SLC4A2: variants seen among roughly 807,000 people sequenced by gnomAD.
SLC4A2 encodes anion exchange protein 2.
In SLC4A2, 36 loss-of-function variants were observed where a neutral mutation model predicts 115.0. That is an observed-to-expected ratio of 0.31 (90% CI 0.24 to 0.41). The LOEUF (loss-of-function observed/expected upper bound fraction) is 0.41, where lower values mean the gene tolerates loss of function less well. Among genes scored for constraint, SLC4A2 ranks in the 10% least tolerant of loss-of-function variants. The pLI is 1.00. For synonymous variants in SLC4A2, 708 were observed against 708.3 expected, an observed-to-expected ratio of 1.00 and a Z score of 0.01; for missense variants, 1,252 against 1,705.6, an observed-to-expected ratio of 0.73 and a Z score of 4.68.
In SLC4A2 at chr7:151,062,011, C is replaced by T. The variant is rs140387520; in HGVS notation, c.24C>T (p.Pro8=). The change falls in exon 2 of 23, where the codon CCC becomes CCT. Residue 8 remains proline (P), a synonymous_variant. Coordinates refer to ENST00000413384, the MANE Select transcript of SLC4A2 (RefSeq NM_003040.4). MSSAPRR[P]AKGADSFCTP... is the part of the protein sequence containing the mutation. The stretch of plus-strand genomic sequence containing the variant: ...CCATGAGCAGCGCCCCTCGGCGCCC[C>T]GCCAAGGGCGCAGATTCTTTCTGTA... The T allele has an allele frequency of 1.5e-4, 237 of 1,610,724 alleles. No individual in the cohort carries two copies. In the African/African-American group the frequency reaches 2.5e-3, roughly 17 times the overall value.
At chr7:151,062,061 C>T (rs779001411) in intron 2 of SLC4A2, 23 bp downstream of exon 2, 1 of 1,604,644 alleles carries the variant, frequency 6.2e-7, no homozygotes, top group South Asian at 1.1e-5. Context: ...CCCAGGTCGC[C>T]AGCCCAACCT....
At position 151,075,432 on chromosome 7, in the gene SLC4A2, G is replaced by A; in HGVS notation, c.3225G>A (p.Val1075=). 1 of 1,606,026 alleles carries A rather than the reference G, an allele frequency of 6.2e-7. No individual in the cohort carries two copies. Among genetic ancestry groups the A allele is most frequent in the Non-Finnish European group, 8.5e-7 (1 of 1,180,002 alleles). ...CGCTCACTGTCATGAGCAAGGCTGT[G>A]GCACCTGGGGACAAGCCCAAGATTC... ...ANALTVMSKA[V]APGDKPKIQE... is the part of the protein sequence containing the mutation. Residue 1075 remains valine, a synonymous_variant, in exon 20 of 23, where the codon GTG becomes GTA. Coordinates refer to ENST00000413384, the MANE Select transcript of SLC4A2 (RefSeq NM_003040.4).
At position 151,071,774 on chromosome 7, in the gene SLC4A2, C is replaced by G; in HGVS notation, c.2277C>G (p.Ala759=). 1 of 1,612,442 alleles carries G rather than the reference C, an allele frequency of 6.2e-7. No homozygotes were observed. Among genetic ancestry groups the G allele is most frequent in the Non-Finnish European group, 8.5e-7 (1 of 1,179,650 alleles). ...LQGVVFCLLG[A]QPLLVIGFSG... ...GCGTGGTCTTCTGCCTGCTGGGTGC[C>G]CAGCCCCTGTTGGTGATCGGCTTCT... The change falls in exon 15 of 23, where the codon GCC becomes GCG. Residue 759 remains alanine, a synonymous_variant. Coordinates refer to ENST00000413384, the MANE Select transcript of SLC4A2 (RefSeq NM_003040.4). This position sits in a 1 kb window ranked among gnomAD's most constrained non-coding sequence, Gnocchi z 5.5.
chr7:151,070,570 G>A lies in SLC4A2; in HGVS notation c.1563G>A (p.Val521=), dbSNP rs753293325. 3 of 1,612,504 alleles carry A rather than the reference G, an allele frequency of 1.9e-6. No homozygotes were observed. The highest frequency in any genetic ancestry group is 1.7e-6 in the Non-Finnish European group (2 of 1,179,266). ...ATGCCGAGGCCACGGTGGTCCTTGT[G>A]GGTATGTGGGGCAGGTCACATGTAG... is the stretch of plus-strand genomic sequence containing the variant. ...PENAEATVVL[V]GCVEFLSRPT... Residue 521 remains valine (V), a splice_region_variant and synonymous_variant, in exon 11 of 23, where the codon GTG becomes GTA. Coordinates refer to ENST00000413384, the MANE Select transcript of SLC4A2 (RefSeq NM_003040.4).
chr7:151,070,384 G>T (rs1797390904), intron 10 of SLC4A2, 38 bp downstream of exon 10: 1 of 1,610,494 alleles, frequency 6.2e-7, no homozygotes, highest in Non-Finnish European at 8.5e-7. Flanking sequence ...CTGGCGGCAG[G>T]GCTGAGGAAG....
chr7:151,058,767 C>G (rs890122834), upstream of SLC4A2: 4 of 152,310 alleles, frequency 2.6e-5, no homozygotes, highest in African/African-American at 4.8e-5. Context: ...CTTGCAGCAG[C>G]CTCTGCCTCA....
Position 151,061,984 on chromosome 7 carries a change from G to A in SLC4A2, c.-4G>A, listed in dbSNP as rs749292586. 5 of 1,610,062 alleles carry A rather than the reference G, an allele frequency of 3.1e-6. No homozygotes were observed. In the Admixed American group the frequency reaches 8.3e-5, roughly 27 times the overall value. ...GCGACAGCGAAAAGGGCTAAGATTCGGCCATGAGCAGCGCCCCTCGGCGCC... is the reference window on the plus strand; with the variant it reads ...GCGACAGCGAAAAGGGCTAAGATTCAGCCATGAGCAGCGCCCCTCGGCGCC... On this transcript the variant is annotated 5_prime_UTR_variant, in exon 2 of 23. Transcript: ENST00000413384.
Position 151,071,750 on chromosome 7 carries a change from C to T in SLC4A2, c.2253C>T (p.Gly751=), listed in dbSNP as rs776758339. ...SELIMSTALQ[G]VVFCLLGAQP... ...TGATTATGTCCACAGCGCTCCAGGGCGTGGTCTTCTGCCTGCTGGGTGCCC... is the reference window on the plus strand; with the variant it reads ...TGATTATGTCCACAGCGCTCCAGGGTGTGGTCTTCTGCCTGCTGGGTGCCC... The change falls in exon 15 of 23, where the codon GGC becomes GGT. Residue 751 remains glycine, a synonymous_variant. Coordinates refer to ENST00000413384, the MANE Select transcript of SLC4A2 (RefSeq NM_003040.4). The surrounding 1 kb of genome is among the most constrained non-coding windows in gnomAD (Gnocchi z 5.5). 5.6e-6 allele frequency: 9 copies of T among 1,612,700 alleles called. No homozygotes were observed. Among genetic ancestry groups the T allele is most frequent in the South Asian group, 3.3e-5 (3 of 90,986 alleles).
chr7:151,074,275 C>A lies in SLC4A2; in HGVS notation c.2772C>A (p.Ser924Arg). 1 of 1,610,076 alleles carries A rather than the reference C, an allele frequency of 6.2e-7. No homozygotes were observed. The highest frequency in any genetic ancestry group is 8.5e-7 in the Non-Finnish European group (1 of 1,179,112). Residue 924 changes from serine to arginine, a missense_variant, in exon 17 of 23, where the codon AGC becomes AGA. Ser to Arg is a moderately radical substitution (Grantham distance 110). This residue lies in a region of SLC4A2 where 253 missense variants were observed against 407.4 expected (regional missense o/e 0.62). Transcript: ENST00000413384. ...TCTTCCTGCGCAAATTCAAGAACAG[C>A]CGGTTCTTTCCTGGCCGGGTGCGTG... ...IAFFLRKFKN[S>R]RFFPGRIRRV...
At chr7:151,061,551 T>A (rs1797046131) in intron 1 of SLC4A2, 1 of 178,624 alleles carries the variant, frequency 5.6e-6, no homozygotes, top group Non-Finnish European at 1.2e-5. Context: ...GAGGCTCCGT[T>A]GTCTGCCTGG....
At chr7:151,062,641 T>C (rs1349777746) in intron 2 of SLC4A2, 24 of 1,524,004 alleles carry the variant, frequency 1.6e-5, no homozygotes, top group Middle Eastern at 3.3e-4. Context: ...CTGCCGGCCA[T>C]GGACTTCCTC....
Position 151,070,009 on chromosome 7 carries a change from C to G in SLC4A2, c.1210C>G (p.Gln404Glu). The G allele has an allele frequency of 6.2e-7, 1 of 1,614,134 alleles. No homozygotes were observed. Among genetic ancestry groups the G allele is most frequent in the Admixed American group, 1.7e-5 (1 of 60,026 alleles). Residue 404 changes from glutamine (Q) to glutamate (E), a missense_variant, in exon 9 of 23, where the codon CAG (glutamine) becomes GAG (glutamate). By Grantham distance (29) the Gln-to-Glu change is conservative. Transcript: ENST00000413384. ...LPGVAHQVVEQMVISDQIKAE... is the reference protein window; with the variant it reads ...LPGVAHQVVEEMVISDQIKAE... ...CGGAGTGGCCCACCAGGTGGTGGAG[C>G]AGATGGTCATCTCTGACCAGATCAA... is the stretch of plus-strand genomic sequence containing the variant.
rs531107465 is a variant in SLC4A2 at position 151,075,608 on chromosome 7, C to T, written c.3304C>T (p.Leu1102Phe). The T allele has an allele frequency of 6.3e-6, 10 of 1,590,872 alleles. No homozygotes were observed. In the South Asian group the frequency reaches 8.8e-5, roughly 14 times the overall value. Residue 1102 changes from leucine (L) to phenylalanine (F), a missense_variant and splice_region_variant, in exon 21 of 23, where the codon CTC becomes TTC. Leu to Phe is a conservative substitution (Grantham distance 22, BLOSUM62 0). This residue lies in a region of SLC4A2 where 253 missense variants were observed against 407.4 expected (regional missense o/e 0.62). Coordinates refer to ENST00000413384, the MANE Select transcript of SLC4A2 (RefSeq NM_003040.4). The part of the protein sequence containing the change: ...TGLLVALLVG[L>F]SIVIGDLLRQ... ...TCTTTCTCCTGCGCCTCCCGTAGGC[C>T]TCTCCATAGTTATCGGGGATCTGCT...
In SLC4A2 at chr7:151,071,351, AGAGGGGCTGG is replaced by A; in HGVS notation, c.1976-37_1976-28del. 1 of 1,553,068 alleles carries A rather than the reference AGAGGGGCTGG, an allele frequency of 6.4e-7. No homozygotes were observed. The highest frequency in any genetic ancestry group is 1.2e-5 in the South Asian group (1 of 85,482). ...CTGCCTCGAGGGGGTGAGGTGGGCA[AGAGGGGCTGG>A]GGCGCCCTGACGGAGGCCTGGGTTG... is the stretch of plus-strand genomic sequence containing the variant. On this transcript the variant is annotated intron_variant, in intron 13 of 22. Coordinates refer to ENST00000413384, the MANE Select transcript of SLC4A2 (RefSeq NM_003040.4). The surrounding 1 kb of genome is among the most constrained non-coding windows in gnomAD (Gnocchi z 5.5).
chr7:151,075,145 C>T lies in SLC4A2; in HGVS notation c.3048-110C>T, dbSNP rs549578647. The T allele has an allele frequency of 2.8e-3, 3,932 of 1,421,738 alleles. 12 individuals carry two copies. Among genetic ancestry groups the T allele is most frequent in the Non-Finnish European group, 3.3e-3 (3,464 of 1,034,708 alleles). The allele number at this position is 1,421,738 out of a possible 1,614,324, so 88.1% of individuals were successfully genotyped here. On this transcript the variant is annotated intron_variant, in intron 19 of 22. Transcript: ENST00000413384. ...GAATCCTGACGGAATGGACAGGGACCGCCAGGTTCCAAAGCCAGATGGAGG... is the reference window on the plus strand; with the variant it reads ...GAATCCTGACGGAATGGACAGGGACTGCCAGGTTCCAAAGCCAGATGGAGG...
rs2150378303 is a variant in SLC4A2 at position 151,074,441 on chromosome 7, C to T, written c.2833C>T (p.Leu945Phe). The stretch of plus-strand genomic sequence containing the variant: ...GGACTTTGGGGTGCCCATCGCCATC[C>T]TCATCATGGTGCTTGTGGATTACAG... ...IGDFGVPIAI[L>F]IMVLVDYSIE... Residue 945 changes from leucine to phenylalanine, a missense_variant, in exon 18 of 23, where the codon CTC (leucine) becomes TTC (phenylalanine). By Grantham distance (22) the Leu-to-Phe change is conservative. This residue lies in a region of SLC4A2 where 253 missense variants were observed against 407.4 expected (regional missense o/e 0.62). Coordinates refer to ENST00000413384, the MANE Select transcript of SLC4A2 (RefSeq NM_003040.4). The T allele has an allele frequency of 6.2e-7, 1 of 1,614,074 alleles. No individual in the cohort carries two copies. Among genetic ancestry groups the T allele is most frequent in the South Asian group, 1.1e-5 (1 of 91,090 alleles).
upstream of SLC4A2, chr7:151,059,099 C>T (rs1041358606): frequency 6.6e-6 from 1 of 152,226 alleles, no homozygotes; most frequent in Admixed American, 6.5e-5. This position sits in a 1 kb window ranked among gnomAD's most constrained non-coding sequence, Gnocchi z 5.8. Flanking sequence ...AGGTTCCATT[C>T]AAGAGGAAGG....
chr7:151,066,233 A>T (rs1797224264), intron 5 of SLC4A2, among the ~76,000 whole-genome samples: 2 of 152,240 alleles, frequency 1.3e-5, no homozygotes, highest in Non-Finnish European at 2.9e-5. Context: ...GGCTGGTCTC[A>T]GCCCTGGCTG....
At chr7:151,058,910 G>A (rs1796963376), upstream of SLC4A2, 1 of 152,248 alleles carries the variant, frequency 6.6e-6, no homozygotes. Flanking sequence ...CAGAGTTGCT[G>A]CTAAACACGT....
Sources: gnomAD v4.1 joint callset for allele counts (sites outside exome capture counted in the v4.1 genomes callset) on GRCh38, gnomAD v4.1.1 for gene constraint, gnomAD v4.1.1 regional missense constraint, Gnocchi (gnomAD v3.1) non-coding constraint, MANE v1.5 for transcripts, NCBI Gene and HGNC (gene_info 2026-07-23, HGNC 2026-07-21) for gene names.